The following ARHGAP26 variants were observed in gnomAD, a reference collection of about 807,000 sequenced individuals.
ARHGAP26 encodes rho GTPase-activating protein 26.
In ARHGAP26, 38 loss-of-function variants were observed where a neutral mutation model predicts 104.8. The ratio of observed to expected loss-of-function variants is 0.36; its 90% CI spans 0.28 to 0.48. The LOEUF (loss-of-function observed/expected upper bound fraction) is 0.48, where lower values mean the gene tolerates loss of function less well. Among genes scored for constraint, ARHGAP26 ranks in the 20% least tolerant of loss-of-function variants. ARHGAP26 has a pLI of 0.99. For missense variants in ARHGAP26, 704 were observed against 947.9 expected, an observed-to-expected ratio of 0.74 and a Z score of 3.38; for synonymous variants, 341 against 340.0, an observed-to-expected ratio of 1.00 and a Z score of -0.03.
chr5:142,848,996 A>G (rs1750981402), intron 1 of ARHGAP26, among the ~76,000 whole-genome samples: 1 of 152,202 alleles, frequency 6.6e-6, no homozygotes, highest in Non-Finnish European at 1.5e-5. Context: ...AACTAGAGGT[A>G]ATGATCTGAA....
intron 20 of ARHGAP26, among the ~76,000 whole-genome samples, chr5:143,178,495 A>G (rs1276096254): frequency 1.3e-5 from 2 of 152,152 alleles, no homozygotes; most frequent in African/African-American, 4.8e-5. Context: ...CCCTACCTAC[A>G]CTTGCTAACA....
chr5:142,777,882 A>G (rs148262898), intron 1 of ARHGAP26, among the ~76,000 whole-genome samples: 1 of 152,344 alleles, frequency 6.6e-6, no homozygotes, highest in African/African-American at 2.4e-5. Context: ...TTTTATTCTA[A>G]GTGTGATGGG....
intron 1 of ARHGAP26, among the ~76,000 whole-genome samples, chr5:142,858,094 T>TGTGTGAGA (rs1424264346): frequency 2.6e-3 from 335 of 127,230 alleles, no homozygotes; most frequent in East Asian, 0.012. Flanking sequence ...TGTGTGTGTG[T>TGTGTGAGA]GAGAGAGAGA....
intron 5 of ARHGAP26, among the ~76,000 whole-genome samples, chr5:142,890,154 ATATATATATATATATATATAT>A (rs1758418297): frequency 8.7e-5 from 4 of 46,216 alleles, no homozygotes; most frequent in Non-Finnish European, 1.2e-4. Context: ...AAAAAAAAAT[ATATATATATATATATATATAT>A]ATATATATAT....
intron 13 of ARHGAP26, among the ~76,000 whole-genome samples, chr5:143,038,870 A>G (rs1334275906): frequency 6.6e-6 from 1 of 151,644 alleles, no homozygotes; most frequent in Non-Finnish European, 1.5e-5. Context: ...TAATTTTTGT[A>G]TTTTTAATAG....
intron 11 of ARHGAP26, among the ~76,000 whole-genome samples, chr5:142,948,119 G>C (rs1247106177): frequency 6.6e-6 from 1 of 152,154 alleles, no homozygotes; most frequent in East Asian, 1.9e-4. Flanking sequence ...CTTTGATGCG[G>C]CACTTTAGAC....
At position 142,857,438 on chromosome 5, in the gene ARHGAP26, C is replaced by A. The variant is rs367692345; in HGVS notation, c.155-15962C>A. Among the ~76,000 whole-genome samples, 90 of 152,190 alleles carry A rather than the reference C, an allele frequency of 5.9e-4. 1 individual carries two copies. Among genetic ancestry groups the A allele is most frequent in the African/African-American group, 1.9e-3 (79 of 41,514 alleles). On this transcript the variant is annotated intron_variant, in intron 1 of 22. Transcript: ENST00000645722. ...AGGATTCCTGTCTCTGCTGAGGGCT[C>A]CTGGGTACAAGGTTCTTCTCAGGTG...
Position 142,862,030 on chromosome 5 carries a change from A to G in ARHGAP26, c.155-11370A>G, listed in dbSNP as rs1466040912. On this transcript the variant is annotated intron_variant, in intron 1 of 22. Transcript: ENST00000645722. ...CCGTCTGTGACTTTCCGAATTCACAACTGTTGAATGCCAGTGAAACTCTGA... is the reference window on the plus strand; with the variant it reads ...CCGTCTGTGACTTTCCGAATTCACAGCTGTTGAATGCCAGTGAAACTCTGA... 3.3e-5 allele frequency among the ~76,000 whole-genome samples: 5 copies of G among 152,218 alleles called. No individual in the cohort carries two copies. In the East Asian group the frequency reaches 9.6e-4, roughly 29 times the overall value.
intron 3 of ARHGAP26, among the ~76,000 whole-genome samples, chr5:142,877,791 A>G (rs192598257): frequency 4.5e-4 from 68 of 152,280 alleles, no homozygotes; most frequent in African/African-American, 1.6e-3. Context: ...AGTGTAGCCT[A>G]AACTTAGGGA....
chr5:142,870,741 C>T (rs937964382), intron 1 of ARHGAP26, among the ~76,000 whole-genome samples: 17 of 152,132 alleles, frequency 1.1e-4, no homozygotes, highest in Non-Finnish European at 2.9e-5. Flanking sequence ...ATAACTGAGA[C>T]TTTATGACTA....
chr5:143,054,589 A>G, intron 15 of ARHGAP26, 63 bp downstream of exon 15: 3 of 1,273,600 alleles, frequency 2.4e-6, no homozygotes, highest in Non-Finnish European at 3.3e-6. Context: ...GGAAGAAAGC[A>G]GTTTTATTTT....
At chr5:143,090,949 T>C (rs1562403932) in intron 17 of ARHGAP26, among the ~76,000 whole-genome samples, 1 of 152,214 alleles carries the variant, frequency 6.6e-6, no homozygotes, top group Non-Finnish European at 1.5e-5. Flanking sequence ...TAGAGAGCTG[T>C]CTTTGACTTG....
chr5:143,111,622 T>C (rs573683577), intron 17 of ARHGAP26, among the ~76,000 whole-genome samples: 2 of 152,252 alleles, frequency 1.3e-5, no homozygotes, highest in East Asian at 3.9e-4. Context: ...ATAAAGGAAT[T>C]TCAGAAATGG....
chr5:143,029,874 G>A (rs1781618315), intron 12 of ARHGAP26, among the ~76,000 whole-genome samples: 1 of 152,022 alleles, frequency 6.6e-6, no homozygotes. Flanking sequence ...CCAGCTTTAG[G>A]GACAGTAACC....
At chr5:143,019,780 G>A (rs752500271) in intron 12 of ARHGAP26, among the ~76,000 whole-genome samples, 3 of 152,200 alleles carry the variant, frequency 2.0e-5, no homozygotes, top group Non-Finnish European at 4.4e-5. Flanking sequence ...AGATTAGCTT[G>A]TTTACAAGAA....
chr5:142,996,149 CCTGCACTTT>C (rs555083319), intron 11 of ARHGAP26, among the ~76,000 whole-genome samples: 18 of 152,108 alleles, frequency 1.2e-4, no homozygotes, highest in Non-Finnish European at 2.5e-4. Context: ...ATGTAACAAA[CCTGCACTTT>C]CTGCACATGT....
chr5:143,065,850 G>A (rs1787399401), intron 17 of ARHGAP26, among the ~76,000 whole-genome samples: 1 of 152,188 alleles, frequency 6.6e-6, no homozygotes, highest in African/African-American at 2.4e-5. Context: ...GAAAACCTTT[G>A]GCCAGTGGGA....
At chr5:142,798,008 C>A (rs1268834683) in intron 1 of ARHGAP26, among the ~76,000 whole-genome samples, 1 of 152,192 alleles carries the variant, frequency 6.6e-6, no homozygotes, top group Admixed American at 6.5e-5. Context: ...CAGCCTTTCT[C>A]TTTCTTGATG....
intron 17 of ARHGAP26, among the ~76,000 whole-genome samples, chr5:143,096,418 A>G (rs1792319761): frequency 6.6e-6 from 1 of 152,220 alleles, no homozygotes. Flanking sequence ...CACTTGGTTC[A>G]TTTCTGAGAA....
Sources: allele counts gnomAD v4.1 joint callset (sites outside exome capture counted in the v4.1 genomes callset), GRCh38; gene constraint gnomAD v4.1.1; transcripts MANE v1.5; gene names NCBI Gene and HGNC (gene_info 2026-07-23, HGNC 2026-07-21).